Variants in NSD1 observed in about 807,000 individuals in gnomAD.
The protein encoded by NSD1 is histone-lysine N-methyltransferase, H3 lysine-36 specific.
A neutral mutation model predicts 242.7 loss-of-function variants in NSD1; 26 were observed. That is an observed-to-expected ratio of 0.11 (90% CI 0.08 to 0.15). NSD1 has a LOEUF of 0.15. Among genes scored for constraint, NSD1 ranks in the 10% least tolerant of loss-of-function variants. The pLI is 1.00. For missense variants in NSD1, 2,495 were observed against 3,272.8 expected (o/e 0.76, Z 5.80); for synonymous variants, 1,106 against 1,178.1 (o/e 0.94, Z 1.25).
chr5:177,280,531 GT>G, intron 17 of NSD1, 33 bp from the exon 18 acceptor site: 1 of 1,614,160 alleles, frequency 6.2e-7, no homozygotes, highest in East Asian at 2.2e-5. Context: ...CTGCTGACTT[GT>G]TTTATGCGGT....
At chr5:177,149,482 A>G (rs1478915698) in intron 2 of NSD1, among the ~76,000 whole-genome samples, 1 of 152,040 alleles carries the variant, frequency 6.6e-6, no homozygotes, top group Non-Finnish European at 1.5e-5. Flanking sequence ...GGCCTCCCAA[A>G]GTGCTGGGAT....
At chr5:177,276,405 A>G (rs1300607638) in intron 17 of NSD1, among the ~76,000 whole-genome samples, 1 of 150,448 alleles carries the variant, frequency 6.6e-6, no homozygotes, top group Non-Finnish European at 1.5e-5. Context: ...GCTCACTGCA[A>G]CCTCCATCTC....
chr5:177,265,760 A>C, intron 14 of NSD1: 1 of 1,514,564 alleles, frequency 6.6e-7, no homozygotes, highest in Non-Finnish European at 9.2e-7. Context: ...GTGCGTGTAC[A>C]GGGACTCGGG....
intron 5 of NSD1, among the ~76,000 whole-genome samples, chr5:177,212,675 A>G (rs1220950125): frequency 5.9e-5 from 9 of 151,856 alleles, no homozygotes; most frequent in Non-Finnish European, 1.3e-4. Flanking sequence ...GGGACTCAAT[A>G]TGTAACTGCA....
chr5:177,290,079 T>C lies in NSD1; in HGVS notation c.6258+1154T>C, dbSNP rs12656091. Among the ~76,000 whole-genome samples the C allele has an allele frequency of 1.7e-3, 265 of 151,548 alleles. 1 individual carries two copies. The East Asian group carries it at 0.029, about 17-fold the overall frequency. On this transcript the variant is annotated intron_variant, in intron 21 of 22. Transcript: ENST00000439151. ...TCCTGACCTCGTGATCCGCCCGCCT[T>C]AGCCTCCCAAAGTGCTGGGATTACA...
rs201159356 is a variant in NSD1 at position 177,294,154 on chromosome 5, G to T, written c.6786G>T (p.Leu2262=). ...CTCCTGCTGACACCAACCAGATGCT[G>T]TCGCTCTCCAAAAAAGCTCTGGCAG... ...DKPPADTNQM[L]SLSKKALAGT... The change falls in exon 23 of 23, where the codon CTG becomes CTT. Residue 2262 remains leucine (L), a synonymous_variant. Coordinates refer to ENST00000439151, the MANE Select transcript of NSD1 (RefSeq NM_022455.5). The T allele has an allele frequency of 5.0e-6, 8 of 1,614,194 alleles. No homozygotes were observed. In the East Asian group the frequency reaches 1.3e-4, roughly 27 times the overall value.
chr5:177,263,042 C>T (rs924182346), intron 14 of NSD1, among the ~76,000 whole-genome samples: 1 of 152,182 alleles, frequency 6.6e-6, no homozygotes, highest in African/African-American at 2.4e-5. Flanking sequence ...ACCCCAACCC[C>T]CTATCAGAAC....
intron 2 of NSD1, among the ~76,000 whole-genome samples, chr5:177,166,013 G>A (rs993971602): frequency 6.0e-5 from 9 of 150,470 alleles, no homozygotes; most frequent in Admixed American, 6.7e-5. Context: ...GGGTTCAAGC[G>A]ATTCTCCTGC....
intron 2 of NSD1, among the ~76,000 whole-genome samples, chr5:177,153,366 C>T (rs1757881726): frequency 1.3e-5 from 2 of 151,818 alleles, no homozygotes; most frequent in South Asian, 4.1e-4. Context: ...AGCATTTGTC[C>T]CACACTTAGA....
intron 2 of NSD1, among the ~76,000 whole-genome samples, chr5:177,163,520 G>A (rs1357029889): frequency 6.6e-6 from 1 of 152,148 alleles, no homozygotes; most frequent in Admixed American, 6.6e-5. Flanking sequence ...CTCCATTTGA[G>A]ACCATACTTG....
At chr5:177,193,815 C>T (rs1053308408) in intron 3 of NSD1, among the ~76,000 whole-genome samples, 6 of 152,084 alleles carry the variant, frequency 3.9e-5, no homozygotes, top group Non-Finnish European at 7.4e-5. Context: ...TGCTCTGTCA[C>T]GTACGTTGGA....
intron 4 of NSD1, among the ~76,000 whole-genome samples, chr5:177,208,814 G>C (rs1763102076): frequency 6.6e-6 from 1 of 152,016 alleles, no homozygotes; most frequent in Non-Finnish European, 1.5e-5. Flanking sequence ...TCCTGCCTCA[G>C]CCTCCACAGT....
At chr5:177,145,737 C>T (rs978435063) in intron 2 of NSD1, among the ~76,000 whole-genome samples, 11 of 151,850 alleles carry the variant, frequency 7.2e-5, no homozygotes, top group East Asian at 1.9e-4. Flanking sequence ...GGAGAAACCC[C>T]GTCTCTACTA....
At chr5:177,163,614 G>T (rs1758937759) in intron 2 of NSD1, among the ~76,000 whole-genome samples, 2 of 152,238 alleles carry the variant, frequency 1.3e-5, no homozygotes, top group South Asian at 2.1e-4. Context: ...TCCTAGTTCA[G>T]TACATGGCAC....
At chr5:177,264,028 ATTTTTTTTTTTTT>A (rs61538775) in intron 14 of NSD1, among the ~76,000 whole-genome samples, 1 of 76,394 alleles carries the variant, frequency 1.3e-5, no homozygotes, top group Non-Finnish European at 2.5e-5. Flanking sequence ...CAATGAACCA[ATTTTTTTTTTTTT>A]TTTTTTTTTT....
chr5:177,264,176 C>T (rs898378998), intron 14 of NSD1, among the ~76,000 whole-genome samples: 2 of 151,808 alleles, frequency 1.3e-5, no homozygotes, highest in South Asian at 4.2e-4. Flanking sequence ...GCTGGGACTA[C>T]AGGCATGTGC....
chr5:177,252,110 A>T (rs963851725), intron 12 of NSD1, among the ~76,000 whole-genome samples: 1 of 152,226 alleles, frequency 6.6e-6, no homozygotes, highest in Non-Finnish European at 1.5e-5. Context: ...GATGCCATAG[A>T]GGAAGATATC....
In NSD1 at chr5:177,210,149, A is replaced by C; in HGVS notation, c.1750A>C (p.Thr584Pro). 6.2e-7 allele frequency: 1 copy of C among 1,612,650 alleles called. No individual in the cohort carries two copies. The highest frequency in any genetic ancestry group is 8.5e-7 in the Non-Finnish European group (1 of 1,179,542). ...GKNTAKKEFE[T>P]SNGDSLLGLP... ...AAACACTGCAAAGAAAGAATTTGAG[A>C]CTTCAAATGGTGACTCTTTATTGGG... Residue 584 changes from threonine to proline, a missense_variant, in exon 5 of 23, where the codon ACT becomes CCT. Transcript: ENST00000439151.
intron 4 of NSD1, among the ~76,000 whole-genome samples, chr5:177,207,423 C>CCG (rs1762966297): frequency 6.6e-6 from 1 of 150,930 alleles, no homozygotes; most frequent in Admixed American, 6.6e-5. Flanking sequence ...GCTGGGACTA[C>CCG]AGGTGTCCGC....
Sources: gnomAD v4.1 joint callset for allele counts (sites outside exome capture counted in the v4.1 genomes callset) on GRCh38, gnomAD v4.1.1 for gene constraint, MANE v1.5 for transcripts, NCBI Gene and HGNC (gene_info 2026-07-23, HGNC 2026-07-21) for gene names.